GSDMD: variants seen among roughly 807,000 people sequenced by gnomAD.
GSDMD encodes the protein gasdermin D, also known as gasdermin-D.
In GSDMD, 46 loss-of-function variants were observed where a neutral mutation model predicts 46.7. That is an observed-to-expected ratio of 0.99 (90% confidence interval 0.78 to 1.26). GSDMD has a LOEUF of 1.26. Ranked by LOEUF, GSDMD falls within the 50% of genes most tolerant of loss-of-function variation. The probability of loss-of-function intolerance (pLI) is 0.00; values close to 1 mark genes in which losing one functional copy is unlikely to be tolerated. For synonymous variants in GSDMD, 307 were observed against 283.1 expected (o/e 1.08, Z -0.85); for missense variants, 649 against 638.8 (o/e 1.02, Z -0.17).
chr8:143,562,167 T>A (rs1163335508), intron 8 of GSDMD, 36 bp downstream of exon 8: 1 of 1,595,206 alleles, frequency 6.3e-7, no homozygotes, highest in Non-Finnish European at 8.5e-7. Context: ...ACACAAGGCC[T>A]GCCCAGCCAG....
rs2130574939 is a variant in GSDMD at position 143,562,767 on chromosome 8, G to A, written c.1318G>A (p.Val440Ile). ...NSWGEGAPAW[V>I]LLDECGLELG... ...CTGGGGCGAAGGAGCACCGGCCTGG[G>A]TCTTGCTGGACGAGTGTGGCCTAGA... The change falls in exon 11 of 11, where the codon GTC (valine) becomes ATC (isoleucine). Residue 440 changes from valine to isoleucine, a missense_variant. Transcript: ENST00000262580. 1 of 1,590,316 alleles carries A rather than the reference G, an allele frequency of 6.3e-7. No individual in the cohort carries two copies. The highest frequency in any genetic ancestry group is 1.1e-5 in the South Asian group (1 of 88,160).
upstream of GSDMD, chr8:143,558,111 C>G (rs1454276772): frequency 1.9e-6 from 1 of 522,322 alleles, no homozygotes; most frequent in Non-Finnish European, 3.4e-6. Context: ...TCAGTCTGGT[C>G]TTGAACTCCC....
In GSDMD at chr8:143,560,459, C is replaced by T. The variant is rs572691507; in HGVS notation, c.411-144C>T. The T allele has an allele frequency of 7.7e-4, 641 of 837,380 alleles. 7 individuals are homozygous for T. The South Asian group carries it at 0.01, about 13-fold the overall frequency. 51.9% of individuals were successfully genotyped at this position (837,380 alleles called of 1,614,324 possible). On this transcript the variant is annotated intron_variant, in intron 3 of 10. Coordinates refer to ENST00000262580, the MANE Select transcript of GSDMD (RefSeq NM_024736.7). ...GGGTCCCGTCCCCGTGGGGAGCACACGGAGAGGCTGCCGGTGCCCCGGCAC... is the reference window on the plus strand; with the variant it reads ...GGGTCCCGTCCCCGTGGGGAGCACATGGAGAGGCTGCCGGTGCCCCGGCAC...
intron 1 of GSDMD, 59 bp from the exon 2 acceptor site, chr8:143,559,273 C>A: frequency 1.6e-6 from 1 of 615,562 alleles, no homozygotes; most frequent in Non-Finnish European, 3.0e-6. Flanking sequence ...ACTGACCCTT[C>A]TCCCACTCCC....
intron 1 of GSDMD, chr8:143,558,716 C>A: frequency 1.7e-6 from 1 of 583,580 alleles, no homozygotes; most frequent in Non-Finnish European, 3.1e-6. Flanking sequence ...CCCCCAGCTG[C>A]CTTCTGGGCC....
intron 7 of GSDMD, 28 bp from the exon 8 acceptor site, chr8:143,561,931 G>A (rs779714726): frequency 6.2e-7 from 1 of 1,606,840 alleles, no homozygotes; most frequent in Non-Finnish European, 8.5e-7. Context: ...TAAGCACCTG[G>A]GCAGTGCCAG....
At position 143,562,805 on chromosome 8, in the gene GSDMD, C is replaced by T. The variant is rs762866047; in HGVS notation, c.1356C>T (p.Asp452=). 5.0e-6 allele frequency: 8 copies of T among 1,604,042 alleles called. No homozygotes were observed. In the South Asian group the frequency reaches 7.8e-5, roughly 16 times the overall value. ...AGTGTGGCCTAGAGCTGGGGGAGGACACTCCCCACGTGTGCTGGGAGCCGC... is the reference window on the plus strand; with the variant it reads ...AGTGTGGCCTAGAGCTGGGGGAGGATACTCCCCACGTGTGCTGGGAGCCGC... ...LDECGLELGE[D]TPHVCWEPQA... Residue 452 remains aspartate, a synonymous_variant, in exon 11 of 11, where the codon GAC becomes GAT. Transcript: ENST00000262580.
In GSDMD at chr8:143,562,979, G is replaced by T; in HGVS notation, c.*75G>T. 6.3e-7 allele frequency: 1 copy of T among 1,589,200 alleles called. No individual in the cohort carries two copies. Among genetic ancestry groups the T allele is most frequent in the Non-Finnish European group, 8.5e-7 (1 of 1,170,414 alleles). On this transcript the variant is annotated 3_prime_UTR_variant, in exon 11 of 11. Transcript: ENST00000262580. ...CCCACCAGCTGCTAGCCCTAGGAAG[G>T]CCAGGAGCCCAGTAGCCATGTGGCC...
At chr8:143,561,284 A>C in intron 5 of GSDMD, 86 bp from the exon 6 acceptor site, 1 of 1,347,414 alleles carries the variant, frequency 7.4e-7, no homozygotes, top group Non-Finnish European at 1.0e-6. Flanking sequence ...CCTGAGCTGG[A>C]CAGGGGAGCT....
At position 143,560,603 on chromosome 8, in the gene GSDMD, G is replaced by A. The variant is rs1011701556; in HGVS notation, c.411G>A (p.Arg137=). 12 of 1,578,556 alleles carry A rather than the reference G, an allele frequency of 7.6e-6. No individual in the cohort carries two copies. The highest frequency in any genetic ancestry group is 1.0e-5 in the Non-Finnish European group (12 of 1,162,252). Residue 137 remains arginine, a splice_region_variant and synonymous_variant, in exon 4 of 11, where the codon AGG becomes AGA. Coordinates refer to ENST00000262580, the MANE Select transcript of GSDMD (RefSeq NM_024736.7). Reference sequence around the variant, plus strand: ...GAGCTTTGCTGCTCCTCGGACACAGGCACCTGCGGCAGCCAGAACACAAAG... The same window carrying A: ...GAGCTTTGCTGCTCCTCGGACACAGACACCTGCGGCAGCCAGAACACAAAG... ...PNTWQTLLHE[R]HLRQPEHKVL...
rs1485397793 is a variant in GSDMD, at chr8:143,562,763, C to A, written c.1314C>A (p.Ala438=). 1 of 1,588,380 alleles carries A rather than the reference C, an allele frequency of 6.3e-7. No homozygotes were observed. Among genetic ancestry groups the A allele is most frequent in the East Asian group, 2.3e-5 (1 of 43,164 alleles). The change falls in exon 11 of 11, where the codon GCC becomes GCA. Residue 438 remains alanine (A), a synonymous_variant. Coordinates refer to ENST00000262580, the MANE Select transcript of GSDMD (RefSeq NM_024736.7). ...ACAGCTGGGGCGAAGGAGCACCGGC[C>A]TGGGTCTTGCTGGACGAGTGTGGCC... ...LGNSWGEGAP[A]WVLLDECGLE...
Position 143,562,330 on chromosome 8 carries a change from A to C in GSDMD, c.1118A>C (p.Tyr373Ser). 6 of 1,341,126 alleles carry C rather than the reference A, an allele frequency of 4.5e-6. No homozygotes were observed. The highest frequency in any genetic ancestry group is 5.8e-6 in the Non-Finnish European group (6 of 1,025,648). The allele number at this position is 1,341,126 out of a possible 1,614,324, so 83.1% of individuals were successfully genotyped here. Residue 373 changes from tyrosine to serine, a missense_variant, in exon 9 of 11, where the codon TAC (tyrosine) becomes TCC (serine). By Grantham distance (144) the Tyr-to-Ser change is moderately radical (BLOSUM62 -2). Coordinates refer to ENST00000262580, the MANE Select transcript of GSDMD (RefSeq NM_024736.7). Reference protein sequence around the residue: ...LVPELAIPVVYLLGALTMLSE... With the variant: ...LVPELAIPVVSLLGALTMLSE... ...CCGGAACTCGCTATCCCTGTTGTCTACCTGCTGGGGGCACTGACCAGTGAG... is the reference window on the plus strand; with the variant it reads ...CCGGAACTCGCTATCCCTGTTGTCTCCCTGCTGGGGGCACTGACCAGTGAG...
Position 143,561,107 on chromosome 8 carries a change from G to C in GSDMD, c.682+3G>C, listed in dbSNP as rs748292002. 6.2e-7 allele frequency: 1 copy of C among 1,611,870 alleles called. No individual in the cohort carries two copies. The highest frequency in any genetic ancestry group is 1.3e-5 in the African/African-American group (1 of 74,890). On this transcript the variant is annotated splice_donor_region_variant and intron_variant, in intron 5 of 10. Transcript: ENST00000262580. Reference sequence around the variant, plus strand: ...GCTGGTTATTGACTCTGACTTGGGTGAGCTGGAGTTGGGGGTGTCTCGGGC... The same window carrying C: ...GCTGGTTATTGACTCTGACTTGGGTCAGCTGGAGTTGGGGGTGTCTCGGGC...
In GSDMD at chr8:143,558,384, C is replaced by G. The variant is rs1309927825; in HGVS notation, c.-72C>G. 3 of 1,519,314 alleles carry G rather than the reference C, an allele frequency of 2.0e-6. No individual in the cohort carries two copies. The highest frequency in any genetic ancestry group is 2.6e-6 in the Non-Finnish European group (3 of 1,140,110). 94.1% of individuals were successfully genotyped at this position (1,519,314 alleles called of 1,614,324 possible). On this transcript the variant is annotated 5_prime_UTR_variant, in exon 1 of 11. Coordinates refer to ENST00000262580, the MANE Select transcript of GSDMD (RefSeq NM_024736.7). ...TAGCTCTGGGCACCTCCAGCTCCTG[C>G]TCGCCGGACGGCTCCCAGGGAGAGC...
chr8:143,560,963 G>A, intron 4 of GSDMD, 39 bp from the exon 5 acceptor site: 2 of 1,598,806 alleles, frequency 1.3e-6, no homozygotes, highest in Non-Finnish European at 8.6e-7. Context: ...CCACGGCCCG[G>A]TGCCAGGGCC....
Position 143,562,802 on chromosome 8 carries a change from G to A in GSDMD, c.1353G>A (p.Glu451=), listed in dbSNP as rs1265007993. Residue 451 remains glutamate (E), a synonymous_variant, in exon 11 of 11, where the codon GAG becomes GAA. Transcript: ENST00000262580. The part of the protein sequence containing the change: ...LLDECGLELG[E]DTPHVCWEPQ... ...ACGAGTGTGGCCTAGAGCTGGGGGA[G>A]GACACTCCCCACGTGTGCTGGGAGC... 3 of 1,603,236 alleles carry A rather than the reference G, an allele frequency of 1.9e-6. No individual in the cohort carries two copies. In the African/African-American group the frequency reaches 4.0e-5, roughly 21 times the overall value.
chr8:143,560,981 G>C, intron 4 of GSDMD, 21 bp from the exon 5 acceptor site: 2 of 1,582,474 alleles, frequency 1.3e-6, no homozygotes, highest in Non-Finnish European at 1.7e-6. Context: ...GCCCAGCCCC[G>C]AGCCCATCTC....
At chr8:143,560,826 G>A (rs754596431) in intron 4 of GSDMD, 55 bp downstream of exon 4, 1 of 1,462,328 alleles carries the variant, frequency 6.8e-7, no homozygotes, top group East Asian at 2.6e-5. Flanking sequence ...TGCGGCGGCG[G>A]GTGACGGAGG....
intron 1 of GSDMD, 26 bp downstream of exon 1, chr8:143,558,477 C>T (rs1295249920): frequency 2.3e-5 from 33 of 1,458,262 alleles, no homozygotes; most frequent in Admixed American, 2.0e-4. Context: ...CCCCCTCCCC[C>T]GGCCTGGCTG....
Sources: gnomAD v4.1 joint callset for allele counts on GRCh38, gnomAD v4.1.1 for gene constraint, MANE v1.5 for transcripts, NCBI Gene and HGNC (gene_info 2026-07-23, HGNC 2026-07-21) for gene names.